CACNA1B: variants seen among roughly 807,000 people sequenced by gnomAD.
The protein encoded by CACNA1B is calcium voltage-gated channel subunit alpha1 B.
CACNA1B carries 70 observed loss-of-function variants against 247.2 expected under a neutral mutation model. That is an observed-to-expected ratio of 0.28 (90% CI 0.23 to 0.35). The LOEUF is 0.35. CACNA1B is among the 10% of genes least tolerant of loss of function. The pLI, the probability that CACNA1B is intolerant of heterozygous loss-of-function variation, is 1.00. For synonymous variants in CACNA1B, 1,231 were observed against 1,294.4 expected (o/e 0.95, Z 1.05); for missense variants, 2,367 against 3,197.4 (o/e 0.74, Z 6.26).
intron 26 of CACNA1B, among the ~76,000 whole-genome samples, chr9:138,056,337 T>C (rs1176183983): frequency 6.6e-6 from 1 of 152,264 alleles, no homozygotes; most frequent in East Asian, 1.9e-4. Flanking sequence ...TGATACAATA[T>C]GTGGTCTTTT....
chr9:138,022,430 G>C (rs1235815503), intron 18 of CACNA1B, among the ~76,000 whole-genome samples: 1 of 152,156 alleles, frequency 6.6e-6, no homozygotes, highest in African/African-American at 2.4e-5. Context: ...CTCTGCCACA[G>C]CAACTGCCCT....
At chr9:138,111,339 C>G (rs763322638) in intron 39 of CACNA1B, among the ~76,000 whole-genome samples, 3 of 152,190 alleles carry the variant, frequency 2.0e-5, no homozygotes, top group Non-Finnish European at 2.9e-5. Flanking sequence ...GCTACAGTTG[C>G]GTGTGGCAAT....
rs1959647485 is a variant in CACNA1B, at chr9:138,059,582, C to G, written c.4585-72C>G. On this transcript the variant is annotated intron_variant, in intron 30 of 46. Coordinates refer to ENST00000371372, the MANE Select transcript of CACNA1B (RefSeq NM_000718.4). The surrounding 1 kb of genome is among the most constrained non-coding windows in gnomAD (Gnocchi z 4.2). ...TCACCGCTTTCTTAATCAGGGCCAC[C>G]ACCTATATATACCTCTTTGCCAACA... 2 of 891,368 alleles carry G rather than the reference C, an allele frequency of 2.2e-6. No individual in the cohort carries two copies. The highest frequency in any genetic ancestry group is 3.8e-6 in the Non-Finnish European group (2 of 527,420). The allele number at this position is 891,368 out of a possible 1,614,324, so 55.2% of individuals were successfully genotyped here.
chr9:137,885,365 G>A (rs1956996139), intron 3 of CACNA1B, among the ~76,000 whole-genome samples: 1 of 152,196 alleles, frequency 6.6e-6, no homozygotes, highest in Non-Finnish European at 1.5e-5. Context: ...TGCGGCGAGT[G>A]CTGGTCCATG....
chr9:138,080,275 G>A (rs975547518), intron 36 of CACNA1B, among the ~76,000 whole-genome samples: 1 of 152,142 alleles, frequency 6.6e-6, no homozygotes, highest in African/African-American at 2.4e-5. Context: ...AGGAGGGTGA[G>A]GGGCAATGCC....
intron 3 of CACNA1B, among the ~76,000 whole-genome samples, chr9:137,886,049 C>T (rs1476181633): frequency 6.6e-6 from 1 of 151,668 alleles, no homozygotes; most frequent in Non-Finnish European, 1.5e-5. Context: ...TGCCACAGGA[C>T]TCTGCCTCCT....
intron 31 of CACNA1B, among the ~76,000 whole-genome samples, chr9:138,061,229 C>G (rs900504066): frequency 6.6e-6 from 1 of 152,172 alleles, no homozygotes; most frequent in East Asian, 1.9e-4. Context: ...TGCCTGCTGG[C>G]CTTCTGGCAC....
chr9:137,932,360 G>A (rs1326466809), intron 6 of CACNA1B, among the ~76,000 whole-genome samples: 1 of 152,162 alleles, frequency 6.6e-6, no homozygotes, highest in African/African-American at 2.4e-5. Flanking sequence ...TTAATTTTGG[G>A]AGCTAAATAA....
At position 138,058,982 on chromosome 9, in the gene CACNA1B, G is replaced by A. The variant is rs1589102918; in HGVS notation, c.4474-97G>A. On this transcript the variant is annotated intron_variant, in intron 29 of 46. Coordinates refer to ENST00000371372, the MANE Select transcript of CACNA1B (RefSeq NM_000718.4). This position sits in a 1 kb window ranked among gnomAD's most constrained non-coding sequence, Gnocchi z 4.7. ...GGTGTCCCAGGCCTAGGCAGGCATC[G>A]AGTTCTGTCTGCCCGCTTTGCTTGG... The A allele has an allele frequency of 3.8e-6, 3 of 782,884 alleles. No homozygotes were observed. The highest frequency in any genetic ancestry group is 3.1e-5 in the South Asian group (2 of 64,430). 48.5% of individuals were successfully genotyped at this position (782,884 alleles called of 1,614,324 possible). A position where few individuals can be genotyped will look rare whatever the true frequency, so the allele number is the denominator to read the frequency against.
intron 6 of CACNA1B, among the ~76,000 whole-genome samples, chr9:137,928,882 G>A (rs963177476): frequency 2.6e-5 from 4 of 152,186 alleles, no homozygotes; most frequent in South Asian, 2.1e-4. Context: ...TCATACAATC[G>A]GTGGCCTTTT....
At chr9:137,975,773 AGCATAGGACCATAGGCCAG>A (rs1958212551) in intron 11 of CACNA1B, 115 bp from the exon 12 acceptor site, 1 of 682,018 alleles carries the variant, frequency 1.5e-6, no homozygotes, top group Non-Finnish European at 2.6e-6. Context: ...GAGACTTCAG[AGCATAGGACCATAGGCCAG>A]GCCTGGAAGG....
intron 3 of CACNA1B, among the ~76,000 whole-genome samples, chr9:137,911,229 A>G (rs1957356191): frequency 6.6e-6 from 1 of 151,858 alleles, no homozygotes; most frequent in South Asian, 2.1e-4. Flanking sequence ...TAAATTTTCT[A>G]CCTTTTCTAC....
chr9:137,885,392 A>T (rs1166105822), intron 3 of CACNA1B, among the ~76,000 whole-genome samples: 1 of 151,654 alleles, frequency 6.6e-6, no homozygotes, highest in African/African-American at 2.4e-5. Flanking sequence ...CCAGGGAGGA[A>T]CCCTCACCTC....
At position 138,114,493 on chromosome 9, in the gene CACNA1B, A is replaced by G. The variant is rs768549929; in HGVS notation, c.5649+3A>G. 10 of 1,504,898 alleles carry G rather than the reference A, an allele frequency of 6.6e-6. No individual in the cohort carries two copies. Among genetic ancestry groups the G allele is most frequent in the Non-Finnish European group, 9.1e-6 (10 of 1,098,992 alleles). 93.2% of individuals were successfully genotyped at this position (1,504,898 alleles called of 1,614,324 possible). On this transcript the variant is annotated splice_donor_region_variant and intron_variant, in intron 41 of 46. Coordinates refer to ENST00000371372, the MANE Select transcript of CACNA1B (RefSeq NM_000718.4). ...AGGCTCCTGGAGGCCTCTCCCAGGTAGCTGGCGGCCCTCAGTTTTCCAGGA... is the reference window on the plus strand; with the variant it reads ...AGGCTCCTGGAGGCCTCTCCCAGGTGGCTGGCGGCCCTCAGTTTTCCAGGA...
At chr9:137,902,220 G>A (rs1013540130) in intron 3 of CACNA1B, among the ~76,000 whole-genome samples, 6 of 152,132 alleles carry the variant, frequency 3.9e-5, no homozygotes, top group Admixed American at 1.3e-4. Context: ...CTCCATTAAC[G>A]TTTATTGAGT....
chr9:137,934,334 C>T (rs1443457287), intron 6 of CACNA1B, among the ~76,000 whole-genome samples: 1 of 152,138 alleles, frequency 6.6e-6, no homozygotes, highest in Non-Finnish European at 1.5e-5. Context: ...ATGGTCCCTT[C>T]CATTTGGGTT....
At position 138,057,711 on chromosome 9, in the gene CACNA1B, C is replaced by G. The variant is rs1324687728; in HGVS notation, c.3969-21C>G. 3.8e-6 allele frequency: 6 copies of G among 1,589,752 alleles called. No homozygotes were observed. In the East Asian group the frequency reaches 1.4e-4, roughly 36 times the overall value. Reference sequence around the variant, plus strand: ...GGATCTTTTGTCTTTGCCCTCTAACCTCCCATGTTCTCATTCCTAGGGGTC... The same window carrying G: ...GGATCTTTTGTCTTTGCCCTCTAACGTCCCATGTTCTCATTCCTAGGGGTC... On this transcript the variant is annotated intron_variant, in intron 26 of 46. Transcript: ENST00000371372. This position sits in a 1 kb window ranked among gnomAD's most constrained non-coding sequence, Gnocchi z 4.0.
At chr9:138,087,857 A>G (rs1254429263) in intron 36 of CACNA1B, among the ~76,000 whole-genome samples, 1 of 152,086 alleles carries the variant, frequency 6.6e-6, no homozygotes, top group Non-Finnish European at 1.5e-5. Flanking sequence ...AACTTATGGG[A>G]TACAGTAAAA....
chr9:138,115,455 C>G, intron 41 of CACNA1B, 97 bp from the exon 42 acceptor site: 1 of 1,333,812 alleles, frequency 7.5e-7, no homozygotes, highest in Non-Finnish European at 1.0e-6. Flanking sequence ...TTGAACATGA[C>G]CTGGCTTTTG....
Sources: allele counts gnomAD v4.1 joint callset (sites outside exome capture counted in the v4.1 genomes callset), GRCh38; gene constraint gnomAD v4.1.1; non-coding constraint Gnocchi (gnomAD v3.1); transcripts MANE v1.5; gene names NCBI Gene and HGNC (gene_info 2026-07-23, HGNC 2026-07-21).